Variants in HUS1 observed in about 807,000 individuals in gnomAD.
HUS1 encodes the protein HUS1 checkpoint clamp component, also known as checkpoint protein HUS1.
In HUS1, 31 loss-of-function variants were observed where a neutral mutation model predicts 32.6. The ratio of observed to expected loss-of-function variants is 0.95; its 90% CI spans 0.72 to 1.28. The LOEUF (loss-of-function observed/expected upper bound fraction) is 1.28, where lower values mean the gene tolerates loss of function less well. HUS1 is among the 50% of genes most tolerant of loss of function. HUS1 has a pLI of 0.00. For synonymous variants in HUS1, 123 were observed against 116.6 expected (o/e 1.06, Z -0.36); for missense variants, 340 against 337.7 (o/e 1.01, Z -0.05).
At chr7:47,969,807 A>C (rs1240172119) in intron 5 of HUS1, among the ~76,000 whole-genome samples, 2 of 152,198 alleles carry the variant, frequency 1.3e-5, no homozygotes, top group Non-Finnish European at 2.9e-5. Context: ...GATCTCAGAA[A>C]GTCCTGGGGA....
intron 7 of HUS1, among the ~76,000 whole-genome samples, chr7:47,965,952 A>C (rs1004785152): frequency 6.6e-6 from 1 of 151,962 alleles, no homozygotes; most frequent in African/African-American, 2.4e-5. Flanking sequence ...TAAAGAGCAC[A>C]TGAGGGTGGG....
rs773375727 is a variant in HUS1, at chr7:47,978,505, C to G, written c.269G>C (p.Arg90Pro). 16 of 1,614,066 alleles carry G rather than the reference C, an allele frequency of 9.9e-6. No individual in the cohort carries two copies. The highest frequency in any genetic ancestry group is 1.2e-5 in the Non-Finnish European group (14 of 1,180,032). The change falls in exon 3 of 8, where the codon CGA becomes CCA. Residue 90 changes from arginine to proline, a missense_variant. Arg to Pro is a moderately radical substitution (Grantham distance 103). Transcript: ENST00000258774. ...GGCATTCTGGGCAGTCTTCAAGGCT[C>G]GAGATAAGTTTTCCGATGTTAGCTC... ...YLELTSENLS[R>P]ALKTAQNARA...
chr7:47,968,470 T>G (rs1408941566), intron 6 of HUS1, among the ~76,000 whole-genome samples: 1 of 152,248 alleles, frequency 6.6e-6, no homozygotes, highest in Admixed American at 6.5e-5. Context: ...CTTCCAACTC[T>G]ATGCTAAAAT....
intron 5 of HUS1, among the ~76,000 whole-genome samples, chr7:47,972,040 C>T (rs1936783892): frequency 6.6e-6 from 1 of 152,140 alleles, no homozygotes; most frequent in African/African-American, 2.4e-5. Flanking sequence ...CAACCCTTTT[C>T]TTTCATTAAT....
chr7:47,978,188 T>G, intron 3 of HUS1: 1 of 426,100 alleles, frequency 2.3e-6, no homozygotes, highest in Non-Finnish European at 4.2e-6. Flanking sequence ...GGCTGGAAGT[T>G]TCACGGCTTG....
At position 47,965,327 on chromosome 7, in the gene HUS1, C is replaced by A. The variant is rs763682656; in HGVS notation, c.*29G>T. On this transcript the variant is annotated 3_prime_UTR_variant, in exon 8 of 8. Transcript: ENST00000258774. ...GCGGCCTCTCCCATCCTGACAAAGT[C>A]TCTGCATGCCAACTCCAGCGACAGG... is the stretch of plus-strand genomic sequence containing the variant. The A allele has an allele frequency of 6.6e-7, 1 of 1,522,250 alleles. No individual in the cohort carries two copies. The highest frequency in any genetic ancestry group is 1.1e-5 in the South Asian group (1 of 89,378). 94.3% of individuals were successfully genotyped at this position (1,522,250 alleles called of 1,614,324 possible). A position where few individuals can be genotyped will look rare whatever the true frequency, so the allele number is the denominator to read the frequency against.
At chr7:47,973,742 T>G (rs543674381) in intron 5 of HUS1, among the ~76,000 whole-genome samples, 1 of 152,374 alleles carries the variant, frequency 6.6e-6, no homozygotes, top group African/African-American at 2.4e-5. Flanking sequence ...AATATTTCTA[T>G]GTTTTTTTAA....
intron 2 of HUS1, 40 bp from the exon 3 acceptor site, chr7:47,978,633 G>A: frequency 6.2e-7 from 1 of 1,612,576 alleles, no homozygotes. Flanking sequence ...GGGTATATGT[G>A]ATCTTTCCAG....
chr7:47,968,721 C>G (rs1788531909), intron 6 of HUS1: 1 of 153,912 alleles, frequency 6.5e-6, no homozygotes, highest in African/African-American at 2.4e-5. Context: ...CGTCCCCTCT[C>G]TCCCCACTTG....
At position 47,963,959 on chromosome 7, in the gene HUS1, CA is replaced by C. The variant is rs1405069365; in HGVS notation, c.*1396del. On this transcript the variant is annotated 3_prime_UTR_variant, in exon 8 of 8. Transcript: ENST00000258774. Reference sequence around the variant, plus strand: ...AACCATTACTAAACATCAAAAGAATCATTCAAATACACTGGTTTTATCAAAA... The same window carrying C: ...AACCATTACTAAACATCAAAAGAATCTTCAAATACACTGGTTTTATCAAAA... 6.6e-6 allele frequency: 1 copy of C among 151,828 alleles called. No homozygotes were observed. The highest frequency in any genetic ancestry group is 1.5e-5 in the Non-Finnish European group (1 of 67,964). 9.4% of individuals were successfully genotyped at this position (151,828 alleles called of 1,614,324 possible). A position where few individuals can be genotyped will look rare whatever the true frequency, so the allele number is the denominator to read the frequency against.
At chr7:47,972,801 T>C (rs962030807) in intron 5 of HUS1, among the ~76,000 whole-genome samples, 2 of 132,132 alleles carry the variant, frequency 1.5e-5, no homozygotes, top group Non-Finnish European at 3.4e-5. Flanking sequence ...ATATCATGAC[T>C]CCTAAACATA....
Position 47,965,443 on chromosome 7 carries a change from G to A in HUS1, c.761-5C>T, listed in dbSNP as rs754538399. 6 of 1,606,930 alleles carry A rather than the reference G, an allele frequency of 3.7e-6. No homozygotes were observed. In the South Asian group the frequency reaches 5.5e-5, roughly 15 times the overall value. On this transcript the variant is annotated splice_polypyrimidine_tract_variant and splice_region_variant and intron_variant, in intron 7 of 7. Transcript: ENST00000258774. ...CCATCTTGTTATTCACAATATCTGG[G>A]AAGAGAAAAGCCATGATTTTAGAGA...
chr7:47,978,414 C>A lies in HUS1; in HGVS notation c.357+3G>T, dbSNP rs1418338443. The A allele has an allele frequency of 1.2e-6, 2 of 1,612,494 alleles. No individual in the cohort carries two copies. The highest frequency in any genetic ancestry group is 2.2e-5 in the South Asian group (2 of 91,044). ...TGTTAGAAACCCTGACTCTCCTACT[C>A]ACCAGCTCCACGGAGACCGTGAGGC... On this transcript the variant is annotated splice_donor_region_variant and intron_variant, in intron 3 of 7. Coordinates refer to ENST00000258774, the MANE Select transcript of HUS1 (RefSeq NM_004507.4).
chr7:47,967,966 CG>C (rs764496982), intron 6 of HUS1, 41 bp from the exon 7 acceptor site: 1 of 1,587,886 alleles, frequency 6.3e-7, no homozygotes, highest in South Asian at 1.1e-5. Context: ...CATCTTCCCA[CG>C]TAACAGGAAA....
chr7:47,966,687 C>CCCTTTACATGACCTTCAGGT (rs1788486040), intron 7 of HUS1, among the ~76,000 whole-genome samples: 1 of 152,024 alleles, frequency 6.6e-6, no homozygotes, highest in Non-Finnish European at 1.5e-5. Context: ...GACCTTCAGG[C>CCCTTTACATGACCTTCAGGT]GATCTCCATG....
intron 7 of HUS1, among the ~76,000 whole-genome samples, chr7:47,967,293 T>G (rs1788498234): frequency 6.6e-6 from 1 of 152,122 alleles, no homozygotes; most frequent in Non-Finnish European, 1.5e-5. Flanking sequence ...CCTCACAAGA[T>G]GGGGCCCAGC....
chr7:47,978,723 T>G lies in HUS1; in HGVS notation c.146A>C (p.Asn49Thr), dbSNP rs780223767. 6.2e-7 allele frequency: 1 copy of G among 1,614,114 alleles called. No individual in the cohort carries two copies. The highest frequency in any genetic ancestry group is 8.5e-7 in the Non-Finnish European group (1 of 1,180,046). ...CTCACACCACATGCTCACTCCTCCA[T>G]TAGCCAGCTTGTCACAAAGGATGAA... is the stretch of plus-strand genomic sequence containing the variant. ...LNFILCDKLA[N>T]GGVSMWCELE... Residue 49 changes from asparagine to threonine, a missense_variant, in exon 2 of 8, where the codon AAT becomes ACT. Transcript: ENST00000258774.
rs576798250 is a variant in HUS1 at position 47,977,152 on chromosome 7, C to T, written c.358-315G>A. Among the ~76,000 whole-genome samples the T allele has an allele frequency of 2.0e-5, 3 of 152,226 alleles. No homozygotes were observed. In the South Asian group the frequency reaches 6.2e-4, roughly 32 times the overall value. On this transcript the variant is annotated intron_variant, in intron 3 of 7. Transcript: ENST00000258774. ...CTCATTATAGCCGTGAGAAAGCACT[C>T]CACAGAGACCAGGGTGAGTGTGGGG...
intron 5 of HUS1, among the ~76,000 whole-genome samples, chr7:47,972,468 C>A (rs1395431375): frequency 6.6e-6 from 1 of 152,174 alleles, no homozygotes; most frequent in Non-Finnish European, 1.5e-5. Flanking sequence ...TAACAAACAA[C>A]TAATTCTCTG....
Sources: gnomAD v4.1 joint callset for allele counts (sites outside exome capture counted in the v4.1 genomes callset) on GRCh38, gnomAD v4.1.1 for gene constraint, MANE v1.5 for transcripts, NCBI Gene and HGNC (gene_info 2026-07-23, HGNC 2026-07-21) for gene names.